Variants in HLTF observed in about 807,000 individuals in gnomAD.
HLTF encodes DNA-dependent ATPase/E3 ubiquitin-protein ligase HLTF.
A neutral mutation model predicts 129.4 loss-of-function variants in HLTF; 127 were observed. That is an observed-to-expected ratio of 0.98 (90% CI 0.85 to 1.14). The LOEUF is 1.14. HLTF is among the 50% of genes most tolerant of loss of function. The pLI is 0.00. For synonymous variants in HLTF, 332 were observed against 388.8 expected (o/e 0.85, Z 1.72); for missense variants, 1,139 against 1,187.1 (o/e 0.96, Z 0.60).
Position 149,059,701 on chromosome 3 carries a change from C to T in HLTF, c.1375+17G>A. ...AGAAAAAAAACCAAAAACTAGAAAA[C>T]AAGGATATTTACTGACCCTTTTTCA... On this transcript the variant is annotated intron_variant, in intron 13 of 24. Coordinates refer to ENST00000310053, the MANE Select transcript of HLTF (RefSeq NM_003071.4). 1 of 1,460,580 alleles carries T rather than the reference C, an allele frequency of 6.8e-7. No individual in the cohort carries two copies. The highest frequency in any genetic ancestry group is 1.3e-5 in the South Asian group (1 of 78,864). The allele number at this position is 1,460,580 out of a possible 1,614,324, so 90.5% of individuals were successfully genotyped here. A position where few individuals can be genotyped will look rare whatever the true frequency, so the allele number is the denominator to read the frequency against.
chr3:149,071,671 C>T lies in HLTF; in HGVS notation c.628-14G>A, dbSNP rs1198108387. ...TTCTGTTTTAAGCTACAATAAACAG[C>T]AACAAGAAACAATGTAAAACAAACT... On this transcript the variant is annotated splice_polypyrimidine_tract_variant and intron_variant, in intron 5 of 24. Transcript: ENST00000310053. The T allele has an allele frequency of 7.1e-7, 1 of 1,400,202 alleles. No homozygotes were observed. The highest frequency in any genetic ancestry group is 1.9e-5 in the Admixed American group (1 of 52,740). The allele number at this position is 1,400,202 out of a possible 1,614,324, so 86.7% of individuals were successfully genotyped here. A position where few individuals can be genotyped will look rare whatever the true frequency, so the allele number is the denominator to read the frequency against.
At chr3:149,082,494 G>A (rs77702256) in intron 2 of HLTF, among the ~76,000 whole-genome samples, 5,147 of 152,154 alleles carry the variant, frequency 0.034, 92 homozygotes, top group South Asian at 0.045. Context: ...AATGAGACTC[G>A]TGGCTGCCTA....
At chr3:149,044,646 T>C (rs1716393865) in intron 18 of HLTF, among the ~76,000 whole-genome samples, 1 of 152,158 alleles carries the variant, frequency 6.6e-6, no homozygotes, top group East Asian at 1.9e-4. Context: ...ATGATCAATG[T>C]GTCCAAAACT....
At chr3:149,047,710 C>T (rs926850381) in intron 17 of HLTF, among the ~76,000 whole-genome samples, 1 of 151,962 alleles carries the variant, frequency 6.6e-6, no homozygotes, top group Non-Finnish European at 1.5e-5. Flanking sequence ...ATATTAGATC[C>T]TCAAAGGATA....
At chr3:149,044,421 T>G (rs1267984334) in intron 18 of HLTF, among the ~76,000 whole-genome samples, 2 of 152,172 alleles carry the variant, frequency 1.3e-5, no homozygotes, top group Non-Finnish European at 2.9e-5. Flanking sequence ...TTAAGAGATC[T>G]CTTTTGAGTG....
At position 149,032,032 on chromosome 3, in the gene HLTF, C is replaced by T. The variant is rs1436358784; in HGVS notation, c.*188G>A. 4.9e-6 allele frequency: 2 copies of T among 407,616 alleles called. No individual in the cohort carries two copies. Among genetic ancestry groups the T allele is most frequent in the Non-Finnish European group, 8.6e-6 (2 of 233,588 alleles). 25.2% of individuals were successfully genotyped at this position (407,616 alleles called of 1,614,324 possible). On this transcript the variant is annotated 3_prime_UTR_variant, in exon 25 of 25. Transcript: ENST00000310053. ...CCACAGTATATAACGGAACTTATTG[C>T]TATTTGAAGTTTCATTAAAAATAGG...
Position 149,069,695 on chromosome 3 carries a change from A to G in HLTF, c.895-1360T>C, listed in dbSNP as rs896276990. ...CTAGTCACTTTTTTCATGCGACACC[A>G]TTTTTACTTGAATGACAACTATCAA... On this transcript the variant is annotated intron_variant, in intron 7 of 24. Coordinates refer to ENST00000310053, the MANE Select transcript of HLTF (RefSeq NM_003071.4). Among the ~76,000 whole-genome samples, 5 of 152,288 alleles carry G rather than the reference A, an allele frequency of 3.3e-5. No individual in the cohort carries two copies. In the South Asian group the frequency reaches 1.0e-3, roughly 32 times the overall value.
At chr3:149,063,579 G>T in intron 9 of HLTF, 55 bp from the exon 10 acceptor site, 1 of 1,027,596 alleles carries the variant, frequency 9.7e-7, no homozygotes, top group South Asian at 1.3e-5. Context: ...TTAGAAACTA[G>T]TATTATCCCT....
rs1477136997 is a variant in HLTF, at chr3:149,048,178, A to T, written c.1757-15T>A. On this transcript the variant is annotated splice_polypyrimidine_tract_variant and intron_variant, in intron 16 of 24. Coordinates refer to ENST00000310053, the MANE Select transcript of HLTF (RefSeq NM_003071.4). ...GATTGGAGTACCTAGAAATAACAGGAAACTGTTATAACTCTTTAACCAGAG... is the reference window on the plus strand; with the variant it reads ...GATTGGAGTACCTAGAAATAACAGGTAACTGTTATAACTCTTTAACCAGAG... The T allele has an allele frequency of 6.3e-7, 1 of 1,590,308 alleles. No homozygotes were observed. The highest frequency in any genetic ancestry group is 2.2e-5 in the East Asian group (1 of 44,684).
chr3:149,039,679 C>A lies in HLTF; in HGVS notation c.2517G>T (p.Met839Ile). 1 of 1,576,140 alleles carries A rather than the reference C, an allele frequency of 6.3e-7. No individual in the cohort carries two copies. Among genetic ancestry groups the A allele is most frequent in the Non-Finnish European group, 8.6e-7 (1 of 1,159,912 alleles). ...WTSSSKINAL[M>I]HALTDLRKKN... is the part of the protein sequence containing the mutation. ...TCTTTCTTAAGTCAGTCAATGCGTGCATTAGCGCATTAATCTGCAAAAAAT... is the reference window on the plus strand; with the variant it reads ...TCTTTCTTAAGTCAGTCAATGCGTGAATTAGCGCATTAATCTGCAAAAAAT... The change falls in exon 22 of 25, where the codon ATG becomes ATT. Residue 839 changes from methionine to isoleucine, a missense_variant. Met to Ile is a conservative substitution (Grantham distance 10). Coordinates refer to ENST00000310053, the MANE Select transcript of HLTF (RefSeq NM_003071.4).
At chr3:149,084,456 CAT>C (rs1720163185) in intron 2 of HLTF, among the ~76,000 whole-genome samples, 1 of 152,156 alleles carries the variant, frequency 6.6e-6, no homozygotes. Flanking sequence ...AATAACCAAA[CAT>C]AACGCACTGA....
chr3:149,057,505 T>C (rs1454950905), intron 13 of HLTF, among the ~76,000 whole-genome samples: 1 of 152,216 alleles, frequency 6.6e-6, no homozygotes, highest in Non-Finnish European at 1.5e-5. Context: ...ACTTTTCATA[T>C]ATACTCGTCC....
At chr3:149,063,586 C>A in intron 9 of HLTF, 62 bp from the exon 10 acceptor site, 1 of 985,170 alleles carries the variant, frequency 1.0e-6, no homozygotes, top group South Asian at 1.3e-5. Flanking sequence ...CTAGTATTAT[C>A]CCTCTTAAAA....
chr3:149,037,812 T>C (rs1715781161), intron 23 of HLTF, among the ~76,000 whole-genome samples: 1 of 152,172 alleles, frequency 6.6e-6, no homozygotes, highest in Admixed American at 6.6e-5. Flanking sequence ...TAGTACCCAG[T>C]GCAAATTAGA....
At chr3:149,080,086 C>T (rs1410054028) in intron 2 of HLTF, among the ~76,000 whole-genome samples, 3 of 151,826 alleles carry the variant, frequency 2.0e-5, no homozygotes, top group African/African-American at 7.3e-5. Context: ...GGAGGCCAGA[C>T]CCAAATGCCA....
chr3:149,045,864 T>C (rs1716505017), intron 18 of HLTF, among the ~76,000 whole-genome samples: 1 of 152,212 alleles, frequency 6.6e-6, no homozygotes, highest in Admixed American at 6.5e-5. Context: ...AAAGTAAGCT[T>C]TAAATTATTT....
chr3:149,048,241 G>A (rs1716715483), intron 16 of HLTF, 78 bp from the exon 17 acceptor site: 4 of 1,158,646 alleles, frequency 3.5e-6, no homozygotes, highest in Admixed American at 5.0e-5. Context: ...AATCAGAGAA[G>A]ACAACAATTG....
In HLTF at chr3:149,032,299, G is replaced by T. The variant is rs778397992; in HGVS notation, c.2951C>A (p.Ala984Asp). 14 of 1,597,328 alleles carry T rather than the reference G, an allele frequency of 8.8e-6. No individual in the cohort carries two copies. The highest frequency in any genetic ancestry group is 1.2e-5 in the Non-Finnish European group (14 of 1,171,380). ...QNKKRELAAG[A>D]FGTKKPNADE... ...AGCATTTGGTTTTTTAGTTCCAAAG[G>T]CTCCTGCTGCAAGTTCTCTCTTTTT... The change falls in exon 25 of 25, where the codon GCC becomes GAC. Residue 984 changes from alanine to aspartate, a missense_variant. Physicochemically the swap from Ala to Asp is moderately radical, Grantham distance 126. Transcript: ENST00000310053.
At chr3:149,038,899 C>T in intron 23 of HLTF, 150 bp downstream of exon 23, 1 of 505,086 alleles carries the variant, frequency 2.0e-6, no homozygotes. Context: ...TCTTAATCCA[C>T]ATTTACTAAG....
Sources: allele counts gnomAD v4.1 joint callset (sites outside exome capture counted in the v4.1 genomes callset), GRCh38; gene constraint gnomAD v4.1.1; transcripts MANE v1.5; gene names NCBI Gene and HGNC (gene_info 2026-07-23, HGNC 2026-07-21).